Variants in BAZ2B observed in about 807,000 individuals in gnomAD.
BAZ2B encodes the protein bromodomain adjacent to zinc finger domain 2B.
BAZ2B carries 91 observed loss-of-function variants against 246.0 expected under a neutral mutation model. The observed-to-expected ratio is 0.37, with a 90% CI of 0.31 to 0.44. The LOEUF (loss-of-function observed/expected upper bound fraction) is 0.44, where lower values mean the gene tolerates loss of function less well. Ranked by LOEUF, BAZ2B falls within the 20% of genes least tolerant of loss-of-function variation. The pLI, the probability that BAZ2B is intolerant of heterozygous loss-of-function variation, is 1.00. For synonymous variants in BAZ2B, 855 were observed against 860.0 expected (o/e 0.99, Z 0.10); for missense variants, 2,332 against 2,533.7 (o/e 0.92, Z 1.71).
At chr2:159,495,889 T>C (rs1461173881) in intron 2 of BAZ2B, among the ~76,000 whole-genome samples, 1 of 150,932 alleles carries the variant, frequency 6.6e-6, no homozygotes, top group Non-Finnish European at 1.5e-5. Flanking sequence ...TGCCTCAGCC[T>C]CCCAAGGACC....
chr2:159,318,563 G>A (rs986609160), downstream of BAZ2B, among the ~76,000 whole-genome samples: 4 of 152,172 alleles, frequency 2.6e-5, no homozygotes, highest in East Asian at 1.9e-4. Context: ...ATGATTCTCC[G>A]GAGTCTGGCG....
the BAZ2B span, among the ~76,000 whole-genome samples, chr2:159,644,473 C>T: frequency 6.6e-6 from 1 of 152,212 alleles, no homozygotes; most frequent in Non-Finnish European, 1.5e-5. Context: ...GGGCATTACC[C>T]TCTGAAACCA....
intron 2 of BAZ2B, among the ~76,000 whole-genome samples, chr2:159,500,253 A>G (rs1270731754): frequency 5.9e-5 from 9 of 152,158 alleles, no homozygotes; most frequent in Non-Finnish European, 2.9e-5. Flanking sequence ...CAGCTCTCCC[A>G]GCACCCTCTG....
rs560852019 is a variant in BAZ2B at position 159,519,519 on chromosome 2, C to T, written c.-3+36304G>A. 5.9e-5 allele frequency among the ~76,000 whole-genome samples: 9 copies of T among 151,392 alleles called. No homozygotes were observed. In the East Asian group the frequency reaches 1.6e-3, roughly 26 times the overall value. On this transcript the variant is annotated intron_variant, in intron 2 of 36. Coordinates refer to ENST00000392783, the MANE Select transcript of BAZ2B (RefSeq NM_013450.4). ...TGCTGGGATTACAGGCGTGAGCCAC[C>T]GCGCCCGGCCTCATATTCTATTTTC...
the BAZ2B span, among the ~76,000 whole-genome samples, chr2:159,663,866 T>C: frequency 7.3e-5 from 3 of 41,368 alleles, no homozygotes; most frequent in African/African-American, 2.6e-4. Context: ...TTTTTTTTTT[T>C]TTTTTTTTTT....
chr2:159,459,359 GC>G (rs2076151530), intron 3 of BAZ2B: 1 of 152,110 alleles, frequency 6.6e-6, no homozygotes, highest in Non-Finnish European at 1.5e-5. Flanking sequence ...CTTTTAAAAG[GC>G]TAGAATAACC....
chr2:159,441,466 T>G (rs576379202), intron 6 of BAZ2B, among the ~76,000 whole-genome samples: 1 of 152,220 alleles, frequency 6.6e-6, no homozygotes, highest in Non-Finnish European at 1.5e-5. Flanking sequence ...GGTAACACAT[T>G]TAGTACTCAT....
At chr2:159,657,602 A>C in the BAZ2B span, among the ~76,000 whole-genome samples, 4 of 152,322 alleles carry the variant, frequency 2.6e-5, no homozygotes, top group African/African-American at 9.6e-5. Flanking sequence ...TACATGGAAT[A>C]TCTCACAATT....
chr2:159,611,380 A>G (rs1383297823), intron 1 of BAZ2B, among the ~76,000 whole-genome samples: 1 of 151,936 alleles, frequency 6.6e-6, no homozygotes, highest in Admixed American at 6.5e-5. Context: ...TTAAATATTG[A>G]GTCATAGTCA....
chr2:159,682,956 CCCTTA>C, the BAZ2B span, among the ~76,000 whole-genome samples: 8 of 149,658 alleles, frequency 5.3e-5, no homozygotes, highest in African/African-American at 2.0e-4. Flanking sequence ...AGCAGACTTT[CCCTTA>C]CATCACCTTT....
rs1486967627 is a variant in BAZ2B, at chr2:159,588,166, G to A, written c.-46+28076C>T. On this transcript the variant is annotated intron_variant, in intron 1 of 36. Coordinates refer to ENST00000392783, the MANE Select transcript of BAZ2B (RefSeq NM_013450.4). ...TACGATTGTACCACTGCACTTCAGC[G>A]ATTGTACCACTGCACTTCAGCCTGG... Among the ~76,000 whole-genome samples, 9 of 138,938 alleles carry A rather than the reference G, an allele frequency of 6.5e-5. 1 individual carries two copies. In the South Asian group the frequency reaches 1.2e-3, roughly 19 times the overall value. 91.1% of individuals were successfully genotyped at this position (138,938 alleles called of 152,430 possible). A position where few individuals can be genotyped will look rare whatever the true frequency, so the allele number is the denominator to read the frequency against.
rs1247868667 is a variant in BAZ2B, at chr2:159,325,126, T to C, written c.6210-172A>G. Among the ~76,000 whole-genome samples, 32 of 27,984 alleles carry C rather than the reference T, an allele frequency of 1.1e-3. 3 individuals carry two copies. Among genetic ancestry groups the C allele is most frequent in the African/African-American group, 4.8e-3 (28 of 5,876 alleles). 18.4% of individuals were successfully genotyped at this position (27,984 alleles called of 152,430 possible). ...TATATATATATATATTTTATATATATATATATATATATATATATATATGAG... is the reference window on the plus strand; with the variant it reads ...TATATATATATATATTTTATATATACATATATATATATATATATATATGAG... On this transcript the variant is annotated intron_variant, in intron 35 of 36. Coordinates refer to ENST00000392783, the MANE Select transcript of BAZ2B (RefSeq NM_013450.4).
intron 8 of BAZ2B, among the ~76,000 whole-genome samples, chr2:159,435,709 G>A (rs2072147473): frequency 6.6e-6 from 1 of 151,924 alleles, no homozygotes; most frequent in African/African-American, 2.4e-5. Context: ...GGCTGGCCTC[G>A]AACTCCTGAC....
intron 3 of BAZ2B, among the ~76,000 whole-genome samples, chr2:159,476,427 T>C (rs2078559237): frequency 6.6e-6 from 1 of 152,126 alleles, no homozygotes; most frequent in African/African-American, 2.4e-5. Flanking sequence ...CAAATAATGA[T>C]TAAAAAAACG....
the BAZ2B span, among the ~76,000 whole-genome samples, chr2:159,703,263 A>AT: frequency 0.46 from 66,856 of 146,590 alleles, 15,805 homozygotes; most frequent in Middle Eastern, 0.63. Context: ...AATTTTTGTT[A>AT]TTTTTTTTTT....
intron 20 of BAZ2B, among the ~76,000 whole-genome samples, chr2:159,391,247 C>T (rs1214445443): frequency 2.0e-5 from 3 of 152,240 alleles, no homozygotes; most frequent in Non-Finnish European, 4.4e-5. Context: ...TTCTATGCCA[C>T]GTGATGTTTG....
chr2:159,701,031 G>T, the BAZ2B span, among the ~76,000 whole-genome samples: 1 of 151,978 alleles, frequency 6.6e-6, no homozygotes, highest in Non-Finnish European at 1.5e-5. Flanking sequence ...AATTTAATTG[G>T]CAAACACATT....
chr2:159,317,992 C>T (rs2062289103), downstream of BAZ2B, among the ~76,000 whole-genome samples: 1 of 152,128 alleles, frequency 6.6e-6, no homozygotes, highest in South Asian at 2.1e-4. Context: ...CAGTGTTTAC[C>T]AAGCCTTTCT....
chr2:159,547,009 A>G (rs2087446810), intron 2 of BAZ2B, among the ~76,000 whole-genome samples: 1 of 152,184 alleles, frequency 6.6e-6, no homozygotes, highest in Non-Finnish European at 1.5e-5. Flanking sequence ...GACACTGAAA[A>G]TATAAAGCTA....
Sources: gnomAD v4.1 joint callset for allele counts (sites outside exome capture counted in the v4.1 genomes callset) on GRCh38, gnomAD v4.1.1 for gene constraint, MANE v1.5 for transcripts, NCBI Gene and HGNC (gene_info 2026-07-23, HGNC 2026-07-21) for gene names.